SHC4: variants seen among roughly 807,000 people sequenced by gnomAD.
The protein encoded by SHC4 is SHC-transforming protein 4.
A neutral mutation model predicts 69.4 loss-of-function variants in SHC4; 41 were observed. The observed-to-expected ratio is 0.59, with a 90% CI of 0.46 to 0.77. The LOEUF is 0.77. Ranked by LOEUF, SHC4 falls within the 30% of genes least tolerant of loss-of-function variation. The pLI is 0.00. For missense variants in SHC4, 777 were observed against 783.8 expected (o/e 0.99, Z 0.10); for synonymous variants, 318 against 299.3 (o/e 1.06, Z -0.64).
At chr15:48,852,057 G>A (rs901714614) in intron 8 of SHC4, among the ~76,000 whole-genome samples, 4 of 152,332 alleles carry the variant, frequency 2.6e-5, no homozygotes, top group Middle Eastern at 3.4e-3. Context: ...ATAAACCTGA[G>A]TAAATCAGTA....
At chr15:48,845,258 A>G (rs1216113185) in intron 9 of SHC4, among the ~76,000 whole-genome samples, 1 of 152,196 alleles carries the variant, frequency 6.6e-6, no homozygotes, top group Non-Finnish European at 1.5e-5. Context: ...TATGGAAAGT[A>G]AGAATACATC....
chr15:48,884,271 AT>A lies in SHC4; in HGVS notation c.816del (p.Leu273Ter). On this transcript the variant is annotated frameshift_variant, in exon 4 of 12. Coordinates refer to ENST00000332408, the MANE Select transcript of SHC4 (RefSeq NM_203349.4). LOFTEE classifies it high-confidence loss of function. ...IKLTISTCSL[T>X]LMNLDNQQII... The stretch of plus-strand genomic sequence containing the variant: ...ACCTGTTGGTTGTCAAGATTCATCA[AT>A]GTGAGACTGCATGTTGAGATGGTCA... 1 of 1,607,190 alleles carries A rather than the reference AT, an allele frequency of 6.2e-7. No homozygotes were observed. The highest frequency in any genetic ancestry group is 8.5e-7 in the Non-Finnish European group (1 of 1,178,064).
chr15:48,841,616 C>G (rs1021710260), intron 10 of SHC4, among the ~76,000 whole-genome samples: 1 of 152,186 alleles, frequency 6.6e-6, no homozygotes, highest in African/African-American at 2.4e-5. Flanking sequence ...AGGACAACTC[C>G]GACAGACCAC....
intron 2 of SHC4, among the ~76,000 whole-genome samples, chr15:48,920,015 G>GT (rs11293084): frequency 0.049 from 6,876 of 139,372 alleles, 170 homozygotes; most frequent in South Asian, 0.077. Context: ...CACGGAGTTT[G>GT]TTTTTTTTTT....
intron 1 of SHC4, among the ~76,000 whole-genome samples, chr15:48,956,696 C>T (rs1258139752): frequency 6.6e-6 from 1 of 152,178 alleles, no homozygotes; most frequent in African/African-American, 2.4e-5. Flanking sequence ...CAGTATAACA[C>T]CCTCCTTTCT....
intron 2 of SHC4, 135 bp downstream of exon 2, chr15:48,924,744 G>C: frequency 3.6e-6 from 3 of 825,752 alleles, no homozygotes; most frequent in Non-Finnish European, 5.9e-6. Context: ...AGGTCACTGG[G>C]CGAGCCTTCT....
intron 2 of SHC4, among the ~76,000 whole-genome samples, chr15:48,910,196 T>A (rs910464777): frequency 6.6e-6 from 1 of 152,116 alleles, no homozygotes; most frequent in Non-Finnish European, 1.5e-5. Context: ...GGAGGTTTTT[T>A]TTTGTTGTTG....
intron 2 of SHC4, among the ~76,000 whole-genome samples, chr15:48,916,356 T>C (rs1418337900): frequency 1.3e-5 from 2 of 151,788 alleles, no homozygotes; most frequent in African/African-American, 4.8e-5. Context: ...CATTTGTCAC[T>C]GCCTTTAATG....
chr15:48,862,303 T>G (rs910513604), intron 6 of SHC4, among the ~76,000 whole-genome samples: 2 of 152,052 alleles, frequency 1.3e-5, no homozygotes, highest in Non-Finnish European at 2.9e-5. Context: ...GGGAAAATAT[T>G]AAAACATTCC....
chr15:48,928,077 G>C (rs990182257), intron 1 of SHC4, among the ~76,000 whole-genome samples: 1 of 152,170 alleles, frequency 6.6e-6, no homozygotes, highest in African/African-American at 2.4e-5. Context: ...GCTAGGGCGA[G>C]CCGAGGGACG....
intron 2 of SHC4, among the ~76,000 whole-genome samples, chr15:48,901,678 A>T (rs9302146): frequency 0.23 from 35,001 of 152,094 alleles, 5,010 homozygotes; most frequent in East Asian, 0.56. Context: ...TCTACTTTCT[A>T]ATGATAATAG....
intron 1 of SHC4, among the ~76,000 whole-genome samples, chr15:48,932,237 T>C (rs1360846468): frequency 1.3e-5 from 2 of 152,138 alleles, no homozygotes; most frequent in African/African-American, 4.8e-5. Context: ...AAAGCAGAGC[T>C]TCCCAAACTT....
intron 3 of SHC4, among the ~76,000 whole-genome samples, chr15:48,889,299 C>T (rs1342101497): frequency 6.6e-6 from 1 of 152,184 alleles, no homozygotes; most frequent in Admixed American, 6.5e-5. Context: ...AGCCATTTGT[C>T]AGAATGTTTC....
At chr15:48,946,828 T>A (rs78127921) in intron 1 of SHC4, among the ~76,000 whole-genome samples, 412 of 152,378 alleles carry the variant, frequency 2.7e-3, no homozygotes, top group African/African-American at 9.8e-3. Context: ...AGATTTGGTG[T>A]TGAATAAGAG....
intron 9 of SHC4, among the ~76,000 whole-genome samples, chr15:48,844,193 T>C (rs1406989932): frequency 6.6e-6 from 1 of 152,226 alleles, no homozygotes; most frequent in Non-Finnish European, 1.5e-5. Context: ...TGTTATTCAA[T>C]GAAAAGAACT....
intron 6 of SHC4, among the ~76,000 whole-genome samples, chr15:48,858,749 A>C (rs751075267): frequency 2.0e-5 from 3 of 152,220 alleles, no homozygotes; most frequent in Non-Finnish European, 4.4e-5. Flanking sequence ...GGATGGCTTA[A>C]AGACAGAGGC....
rs765604585 is a variant in SHC4, at chr15:48,963,440, GT to G, written c.-426del. The G allele has an allele frequency of 5.5e-6, 1 of 183,452 alleles. No homozygotes were observed. Among genetic ancestry groups the G allele is most frequent in the Non-Finnish European group, 1.1e-5 (1 of 87,798 alleles). 11.4% of individuals were successfully genotyped at this position (183,452 alleles called of 1,614,324 possible). ...ACTCCCACCCTCACCCCAGCCTTCT[GT>G]TCTGCACACAGGAACTTTCGAACCT... On this transcript the variant is annotated 5_prime_UTR_variant, in exon 1 of 12. Transcript: ENST00000332408.
At chr15:48,864,603 A>ACACCCAGC (rs1899521357) in intron 6 of SHC4, among the ~76,000 whole-genome samples, 2 of 151,402 alleles carry the variant, frequency 1.3e-5, no homozygotes, top group African/African-American at 4.9e-5. Flanking sequence ...GCCCACCACC[A>ACACCCAGC]CACCCAGCTA....
chr15:48,845,035 T>C (rs1036200092), intron 9 of SHC4, among the ~76,000 whole-genome samples: 7 of 152,230 alleles, frequency 4.6e-5, no homozygotes, highest in African/African-American at 1.4e-4. Flanking sequence ...TATTCTATTA[T>C]TTAGTTAAAC....
Sources: gnomAD v4.1 joint callset for allele counts (sites outside exome capture counted in the v4.1 genomes callset) on GRCh38, gnomAD v4.1.1 for gene constraint, MANE v1.5 for transcripts, NCBI Gene and HGNC (gene_info 2026-07-23, HGNC 2026-07-21) for gene names.